The following CCSER1 variants were observed in gnomAD, a reference collection of about 807,000 sequenced individuals.
The protein encoded by CCSER1 is coiled-coil serine rich protein 1.
Under a neutral mutation model 82.0 loss-of-function variants are expected in CCSER1, and 41 were observed. The ratio of observed to expected loss-of-function variants is 0.50; its 90% CI spans 0.39 to 0.65. The LOEUF (loss-of-function observed/expected upper bound fraction) is 0.65. CCSER1 is among the 30% of genes least tolerant of loss of function. The pLI, the probability that CCSER1 is intolerant of heterozygous loss-of-function variation, is 0.00. For synonymous variants in CCSER1, 414 were observed against 383.9 expected (o/e 1.08, Z -0.92); for missense variants, 1,119 against 1,064.2 (o/e 1.05, Z -0.72).
chr4:91,139,264 A>ATT lies in CCSER1; in HGVS notation c.2217+53279_2217+53280dup, dbSNP rs371116774. Among the ~76,000 whole-genome samples the ATT allele has an allele frequency of 5.8e-3, 868 of 148,824 alleles. 11 individuals are homozygous for ATT. Among genetic ancestry groups the ATT allele is most frequent in the African/African-American group, 0.02 (810 of 40,734 alleles). On this transcript the variant is annotated intron_variant, in intron 10 of 10. Coordinates refer to ENST00000509176, the MANE Select transcript of CCSER1 (RefSeq NM_001145065.2). ...GTATTCCAAGGTGTATATGTACCACATTTTTTTTTTATCCAGTCTCCAGTC... is the reference window on the plus strand; with the variant it reads ...GTATTCCAAGGTGTATATGTACCACATTTTTTTTTTTTATCCAGTCTCCAGTC...
intron 10 of CCSER1, among the ~76,000 whole-genome samples, chr4:91,387,639 A>G (rs1232119073): frequency 6.6e-6 from 1 of 152,040 alleles, no homozygotes; most frequent in Admixed American, 6.6e-5. Flanking sequence ...AGATGGGGCT[A>G]CTAGGGCCTC....
chr4:91,146,696 G>C (rs1367319622), intron 10 of CCSER1, among the ~76,000 whole-genome samples: 2 of 150,992 alleles, frequency 1.3e-5, no homozygotes, highest in South Asian at 2.1e-4. Flanking sequence ...TTATTTCTTC[G>C]AGCTTTCAGA....
intron 4 of CCSER1, among the ~76,000 whole-genome samples, chr4:90,467,195 G>T (rs1292993474): frequency 6.6e-6 from 1 of 151,992 alleles, no homozygotes; most frequent in Non-Finnish European, 1.5e-5. Context: ...GACCATCCTG[G>T]CCAACATGGT....
At chr4:91,515,863 CTTTT>C (rs60522453) in intron 10 of CCSER1, among the ~76,000 whole-genome samples, 5,593 of 135,024 alleles carry the variant, frequency 0.041, 182 homozygotes, top group South Asian at 0.17. Context: ...GCCAGCATCT[CTTTT>C]TTTTTTTTTT....
At chr4:90,889,731 G>T (rs1722687565) in intron 8 of CCSER1, among the ~76,000 whole-genome samples, 1 of 152,132 alleles carries the variant, frequency 6.6e-6, no homozygotes, top group Admixed American at 6.6e-5. Context: ...TAGCATGGAT[G>T]ATCCTTGATG....
chr4:90,229,542 C>T (rs1244169493), intron 1 of CCSER1, among the ~76,000 whole-genome samples: 1 of 151,964 alleles, frequency 6.6e-6, no homozygotes, highest in Non-Finnish European at 1.5e-5. Context: ...ACCATCGAGA[C>T]TAGGAAGAAA....
At chr4:90,492,721 T>C (rs1304456671) in intron 5 of CCSER1, among the ~76,000 whole-genome samples, 8 of 152,336 alleles carry the variant, frequency 5.3e-5, no homozygotes, top group Admixed American at 5.2e-4. Context: ...ATGTTGAGTC[T>C]TTGTTCTCAT....
intron 9 of CCSER1, among the ~76,000 whole-genome samples, chr4:90,957,506 T>C (rs1343018490): frequency 1.6e-5 from 2 of 123,646 alleles, no homozygotes; most frequent in African/African-American, 2.8e-5. Context: ...TATAATATTA[T>C]ATAATATAAC....
chr4:91,571,854 G>A (rs1763200837), intron 10 of CCSER1, among the ~76,000 whole-genome samples: 1 of 152,096 alleles, frequency 6.6e-6, no homozygotes, highest in Admixed American at 6.6e-5. Flanking sequence ...GCAGTGGTGG[G>A]GTGTGTATAG....
rs1766066179 is a variant in CCSER1 at position 90,868,760 on chromosome 4, A to C, written c.2094+52915A>C. Reference sequence around the variant, plus strand: ...ATCGTATGGTAGCTGAATCAATTTTAGATTTTTGAGGAGCCTCCAAACTGT... The same window carrying C: ...ATCGTATGGTAGCTGAATCAATTTTCGATTTTTGAGGAGCCTCCAAACTGT... On this transcript the variant is annotated intron_variant, in intron 8 of 10. Coordinates refer to ENST00000509176, the MANE Select transcript of CCSER1 (RefSeq NM_001145065.2). Among the ~76,000 whole-genome samples, 4 of 152,058 alleles carry C rather than the reference A, an allele frequency of 2.6e-5. No homozygotes were observed. The South Asian group carries it at 8.3e-4, about 31-fold the overall frequency.
chr4:91,565,026 T>TTGTG lies in CCSER1; in HGVS notation c.2218-33495_2218-33492dup, dbSNP rs56723869. On this transcript the variant is annotated intron_variant, in intron 10 of 10. Transcript: ENST00000509176. ...ATTTAAGTCTTTAATGCACCTTGAGTTGTGTGTGTGTGTGTGTGTGTGTGT... is the reference window on the plus strand; with the variant it reads ...ATTTAAGTCTTTAATGCACCTTGAGTTGTGTGTGTGTGTGTGTGTGTGTGTGTGT... 2.2e-3 allele frequency among the ~76,000 whole-genome samples: 284 copies of TTGTG among 131,106 alleles called. 2 individuals carry two copies. Among genetic ancestry groups the TTGTG allele is most frequent in the Middle Eastern group, 8.2e-3 (2 of 244 alleles). 86.0% of individuals were successfully genotyped at this position (131,106 alleles called of 152,430 possible). A position where few individuals can be genotyped will look rare whatever the true frequency, so the allele number is the denominator to read the frequency against.
chr4:90,313,163 A>T, intron 3 of CCSER1, 116 bp downstream of exon 3: 1 of 906,500 alleles, frequency 1.1e-6, no homozygotes, highest in Non-Finnish European at 1.7e-6. Context: ...TTTGAAGGGA[A>T]AATTTGTTTC....
At chr4:90,128,407 G>A (rs1344343525) in intron 1 of CCSER1, among the ~76,000 whole-genome samples, 1 of 152,198 alleles carries the variant, frequency 6.6e-6, no homozygotes, top group Admixed American at 6.5e-5. Context: ...TTGGAAGCAA[G>A]ACCCTGCCCA....
At chr4:90,324,845 G>A (rs909130921) in intron 3 of CCSER1, among the ~76,000 whole-genome samples, 1 of 152,126 alleles carries the variant, frequency 6.6e-6, no homozygotes, top group African/African-American at 2.4e-5. Context: ...CTTAATTTTT[G>A]TATAAGGTGT....
chr4:90,997,984 A>G (rs377750720), intron 9 of CCSER1, among the ~76,000 whole-genome samples: 23 of 152,344 alleles, frequency 1.5e-4, no homozygotes, highest in African/African-American at 5.5e-4. Context: ...ATAATAAAAT[A>G]TGCTCACTAG....
intron 9 of CCSER1, among the ~76,000 whole-genome samples, chr4:90,923,919 G>A (rs1300483773): frequency 1.3e-5 from 2 of 152,182 alleles, no homozygotes; most frequent in African/African-American, 4.8e-5. Flanking sequence ...GCAGCAGAAA[G>A]TAATTTAATT....
At chr4:90,206,275 T>A (rs1003452986) in intron 1 of CCSER1, among the ~76,000 whole-genome samples, 6 of 152,180 alleles carry the variant, frequency 3.9e-5, no homozygotes, top group African/African-American at 1.4e-4. Context: ...CTCTAGTTCT[T>A]TTAATAGTGA....
At chr4:90,971,062 A>C (rs183074904) in intron 9 of CCSER1, among the ~76,000 whole-genome samples, 1 of 152,128 alleles carries the variant, frequency 6.6e-6, no homozygotes, top group Non-Finnish European at 1.5e-5. Flanking sequence ...GGAAATAGTA[A>C]ATATTACAGC....
intron 1 of CCSER1, among the ~76,000 whole-genome samples, chr4:90,138,848 C>T (rs1168738782): frequency 6.6e-6 from 1 of 152,136 alleles, no homozygotes; most frequent in African/African-American, 2.4e-5. Flanking sequence ...ATGGCATTTT[C>T]TTCCACTTTA....
Sources: allele counts gnomAD v4.1 joint callset (sites outside exome capture counted in the v4.1 genomes callset), GRCh38; gene constraint gnomAD v4.1.1; transcripts MANE v1.5; gene names NCBI Gene and HGNC (gene_info 2026-07-23, HGNC 2026-07-21).